Variants in SYNE1 observed in about 807,000 individuals in gnomAD.
SYNE1 encodes the protein nesprin-1.
A neutral mutation model predicts 1,111.0 loss-of-function variants in SYNE1; 616 were observed. The observed-to-expected ratio is 0.55, with a 90% confidence interval of 0.52 to 0.59. The LOEUF (loss-of-function observed/expected upper bound fraction) is 0.59. Ranked by LOEUF, SYNE1 falls within the 20% of genes least tolerant of loss-of-function variation. SYNE1 has a pLI of 0.00. For synonymous variants in SYNE1, 3,855 were observed against 3,825.8 expected (o/e 1.01, Z -0.28); for missense variants, 10,006 against 10,417.0 (o/e 0.96, Z 1.72).
chr6:152,361,539 G>A (rs974044221), intron 64 of SYNE1, among the ~76,000 whole-genome samples: 1 of 152,144 alleles, frequency 6.6e-6, no homozygotes, highest in Non-Finnish European at 1.5e-5. Context: ...AATATATTCA[G>A]GGTGAGGTGA....
At chr6:152,261,728 T>C (rs2092022465) in intron 101 of SYNE1, among the ~76,000 whole-genome samples, 1 of 152,216 alleles carries the variant, frequency 6.6e-6, no homozygotes, top group Non-Finnish European at 1.5e-5. Context: ...TTTTTCAAGT[T>C]TGCAAAACAC....
At chr6:152,141,550 A>T (rs143613050) in intron 138 of SYNE1, among the ~76,000 whole-genome samples, 31 of 152,104 alleles carry the variant, frequency 2.0e-4, no homozygotes, top group African/African-American at 7.5e-4. Context: ...TGAACTCAGG[A>T]GTTTGAGACC....
intron 98 of SYNE1, among the ~76,000 whole-genome samples, chr6:152,273,981 A>G (rs1344439473): frequency 2.0e-5 from 3 of 152,174 alleles, no homozygotes; most frequent in Admixed American, 6.5e-5. Context: ...AGAGCTTTAT[A>G]AATGATTGCT....
At chr6:152,324,652 G>A (rs80093341) in intron 81 of SYNE1, among the ~76,000 whole-genome samples, 3,793 of 152,222 alleles carry the variant, frequency 0.025, 69 homozygotes, top group East Asian at 0.067. Context: ...AAATTGGCCA[G>A]GCGTGGTGGC....
intron 66 of SYNE1, among the ~76,000 whole-genome samples, chr6:152,356,593 T>A (rs2096843411): frequency 6.6e-6 from 1 of 151,120 alleles, no homozygotes; most frequent in Non-Finnish European, 1.5e-5. Flanking sequence ...AACTAGGCCT[T>A]CAGGTTATAC....
chr6:152,299,277 C>A (rs985680626), intron 93 of SYNE1, among the ~76,000 whole-genome samples: 4 of 152,130 alleles, frequency 2.6e-5, no homozygotes, highest in African/African-American at 9.7e-5. Flanking sequence ...TAATAATCAG[C>A]CGACTATAGC....
rs2095520634 is a variant in SYNE1, at chr6:152,310,674, T to C, written c.16896+14A>G. On this transcript the variant is annotated intron_variant, in intron 88 of 145. Coordinates refer to ENST00000367255, the MANE Select transcript of SYNE1 (RefSeq NM_182961.4). The stretch of plus-strand genomic sequence containing the variant: ...AGACATTTTTTTCTGTTTCTTTTTT[T>C]TTTCTTTTTTTACCTTAGCTGCATC... The C allele has an allele frequency of 6.2e-7, 1 of 1,611,884 alleles. No homozygotes were observed. Among genetic ancestry groups the C allele is most frequent in the Non-Finnish European group, 8.5e-7 (1 of 1,179,402 alleles).
intron 3 of SYNE1, among the ~76,000 whole-genome samples, chr6:152,622,505 G>A (rs765919086): frequency 6.6e-5 from 10 of 152,058 alleles, no homozygotes; most frequent in Admixed American, 1.3e-4. Flanking sequence ...CACTTATAAT[G>A]AGAACATACA....
In SYNE1 at chr6:152,430,600, G is replaced by A; in HGVS notation, c.4571C>T (p.Ala1524Val). The change falls in exon 35 of 146, where the codon GCC becomes GTC. Residue 1524 changes from alanine (A) to valine (V), a missense_variant. By Grantham distance (64) the Ala-to-Val change is moderately conservative (BLOSUM62 0). Around this residue, in one of 7 missense-constraint regions of SYNE1, gnomAD observed 1,971 missense variants for 2,084.1 expected, o/e 0.95. Transcript: ENST00000367255. Reference sequence around the variant, plus strand: ...GTATCTTCTTATTTGTGTCAACTTGGCTTTAATTCGAGCAGATTCTCCAGT... The same window carrying A: ...GTATCTTCTTATTTGTGTCAACTTGACTTTAATTCGAGCAGATTCTCCAGT... ...VTTGESARIK[A>V]KLTQIRRYGE... 3.7e-6 allele frequency: 6 copies of A among 1,614,098 alleles called. No homozygotes were observed. The highest frequency in any genetic ancestry group is 5.1e-6 in the Non-Finnish European group (6 of 1,179,996).
At chr6:152,329,592 C>A in intron 78 of SYNE1, 138 bp downstream of exon 78, 1 of 1,114,308 alleles carries the variant, frequency 9.0e-7, no homozygotes. Flanking sequence ...CCATTTAAGT[C>A]ACTGCTGAAG....
intron 128 of SYNE1, among the ~76,000 whole-genome samples, chr6:152,184,475 T>C (rs148542959): frequency 0.011 from 1,728 of 151,240 alleles, 22 homozygotes; most frequent in Non-Finnish European, 0.017. Flanking sequence ...TTGACTGATA[T>C]ATATTAAAGA....
chr6:152,467,065 T>C (rs1043792307), intron 16 of SYNE1, among the ~76,000 whole-genome samples: 1 of 152,134 alleles, frequency 6.6e-6, no homozygotes, highest in Non-Finnish European at 1.5e-5. Context: ...TGGATTTTTA[T>C]TGATAACTGT....
intron 144 of SYNE1, 107 bp from the exon 145 acceptor site, chr6:152,130,885 A>G: frequency 8.8e-7 from 1 of 1,139,282 alleles, no homozygotes; most frequent in South Asian, 1.3e-5. Context: ...GGAAAAATAA[A>G]TCAAATGAAA....
In SYNE1 at chr6:152,319,121, A is replaced by G. The variant is rs1179044623; in HGVS notation, c.16237-106T>C. The G allele has an allele frequency of 3.4e-6, 5 of 1,476,994 alleles. No homozygotes were observed. In the African/African-American group the frequency reaches 7.0e-5, roughly 21 times the overall value. 91.5% of individuals were successfully genotyped at this position (1,476,994 alleles called of 1,614,324 possible). A position where few individuals can be genotyped will look rare whatever the true frequency, so the allele number is the denominator to read the frequency against. On this transcript the variant is annotated intron_variant, in intron 84 of 145. Coordinates refer to ENST00000367255, the MANE Select transcript of SYNE1 (RefSeq NM_182961.4). ...CAAGACACATTTTAACTGCTTTGGCATTGAAACACCTGGTCACACCAGCGA... is the reference window on the plus strand; with the variant it reads ...CAAGACACATTTTAACTGCTTTGGCGTTGAAACACCTGGTCACACCAGCGA...
At position 152,362,993 on chromosome 6, in the gene SYNE1, T is replaced by G. The variant is rs542025601; in HGVS notation, c.10146-670A>C. Among the ~76,000 whole-genome samples, 440 of 150,980 alleles carry G rather than the reference T, an allele frequency of 2.9e-3. 2 individuals are homozygous for G. The highest frequency in any genetic ancestry group is 1.0e-2 in the African/African-American group (411 of 41,298). The stretch of plus-strand genomic sequence containing the variant: ...CCTCCCGGGTTCACGCCATTCTCCT[T>G]CCTCAGCCGCCCGAGTAGCTGGGAC... On this transcript the variant is annotated intron_variant, in intron 63 of 145. Coordinates refer to ENST00000367255, the MANE Select transcript of SYNE1 (RefSeq NM_182961.4).
At chr6:152,143,598 GA>G (rs760579368) in intron 138 of SYNE1, 24 bp downstream of exon 138, 1 of 1,614,080 alleles carries the variant, frequency 6.2e-7, no homozygotes, top group East Asian at 2.2e-5. Context: ...GCACAGGTCG[GA>G]ATCAGGATGG....
chr6:152,615,934 T>C (rs148287101), intron 3 of SYNE1, among the ~76,000 whole-genome samples: 1 of 152,238 alleles, frequency 6.6e-6, no homozygotes, highest in South Asian at 2.1e-4. Context: ...TGTTTTTGTA[T>C]GCCATGTATC....
At chr6:152,521,309 G>T (rs912778221) in intron 5 of SYNE1, among the ~76,000 whole-genome samples, 1 of 152,000 alleles carries the variant, frequency 6.6e-6, no homozygotes. Context: ...TTGATATGTT[G>T]ATGATTATTC....
At chr6:152,505,427 C>T (rs1213269326) in intron 8 of SYNE1, 30 bp from the exon 9 acceptor site, 2 of 1,610,830 alleles carry the variant, frequency 1.2e-6, no homozygotes, top group Admixed American at 1.7e-5. Flanking sequence ...AAAATGATGT[C>T]ACATTCTGAA....
Sources: gnomAD v4.1 joint callset for allele counts (sites outside exome capture counted in the v4.1 genomes callset) on GRCh38, gnomAD v4.1.1 for gene constraint, gnomAD v4.1.1 regional missense constraint, MANE v1.5 for transcripts, NCBI Gene and HGNC (gene_info 2026-07-23, HGNC 2026-07-21) for gene names.